The following FAM53B variants were observed in gnomAD, a reference collection of about 807,000 sequenced individuals.
FAM53B encodes protein FAM53B.
A neutral mutation model predicts 32.7 loss-of-function variants in FAM53B; 12 were observed. That is an observed-to-expected ratio of 0.37 (90% CI 0.24 to 0.59). FAM53B has a LOEUF of 0.59. FAM53B is among the 20% of genes least tolerant of loss of function. The pLI is 0.72. For missense variants in FAM53B, 477 were observed against 577.7 expected (o/e 0.83, Z 1.79); for synonymous variants, 234 against 228.7 (o/e 1.02, Z -0.21).
chr10:124,715,735 G>T (rs928897142), intron 1 of FAM53B, among the ~76,000 whole-genome samples: 12 of 152,244 alleles, frequency 7.9e-5, no homozygotes, highest in African/African-American at 2.9e-4. Context: ...AGGAGCTGCA[G>T]GGCCCTGGCT....
chr10:124,655,500 G>A (rs573425826), intron 4 of FAM53B, among the ~76,000 whole-genome samples: 43 of 151,918 alleles, frequency 2.8e-4, no homozygotes, highest in Non-Finnish European at 5.1e-4. Flanking sequence ...ACGGGATGCC[G>A]AGGAATGAGG....
rs753137379 is a variant in FAM53B at position 124,623,491 on chromosome 10, G to C, written c.1020C>G (p.Leu340=). 6 of 1,588,556 alleles carry C rather than the reference G, an allele frequency of 3.8e-6. No individual in the cohort carries two copies. Among genetic ancestry groups the C allele is most frequent in the South Asian group, 2.3e-5 (2 of 88,674 alleles). The change falls in exon 5 of 5, where the codon CTC becomes CTG. Residue 340 remains leucine, a synonymous_variant. Coordinates refer to ENST00000337318, the MANE Select transcript of FAM53B (RefSeq NM_014661.4). ...VSNTRAWTAL[L]SASGPGGRTP... ...TCCTGCCCCCTGGGCCGGAGGCTGA[G>C]AGCAGGGCGGTCCAGGCCCTGGTGT...
At chr10:124,681,384 C>G (rs949408557) in intron 4 of FAM53B, among the ~76,000 whole-genome samples, 1 of 152,172 alleles carries the variant, frequency 6.6e-6, no homozygotes, top group South Asian at 2.1e-4. Flanking sequence ...ACCCCTAGCA[C>G]TGAGCTCACA....
chr10:124,715,354 T>C (rs2134092627), intron 1 of FAM53B, among the ~76,000 whole-genome samples: 1 of 152,198 alleles, frequency 6.6e-6, no homozygotes, highest in African/African-American at 2.4e-5. Flanking sequence ...GCAGACATGG[T>C]GGGTAACCTG....
chr10:124,724,466 T>C (rs1440763838), intron 1 of FAM53B, among the ~76,000 whole-genome samples: 1 of 152,080 alleles, frequency 6.6e-6, no homozygotes, highest in South Asian at 2.1e-4. Flanking sequence ...CTGCCTCCCA[T>C]CACTCTGCTT....
At chr10:124,711,393 G>C (rs1297857378) in intron 1 of FAM53B, among the ~76,000 whole-genome samples, 2 of 152,116 alleles carry the variant, frequency 1.3e-5, no homozygotes, top group African/African-American at 4.8e-5. Flanking sequence ...CATGTTCTGT[G>C]TCTTGACTGT....
At chr10:124,703,967 G>A (rs1394312311) in intron 2 of FAM53B, 1 of 152,472 alleles carries the variant, frequency 6.6e-6, no homozygotes, top group Admixed American at 6.5e-5. Flanking sequence ...ACACCTCTTG[G>A]AAGAGCAGCT....
At chr10:124,668,624 C>A (rs1949688245) in intron 4 of FAM53B, among the ~76,000 whole-genome samples, 1 of 152,264 alleles carries the variant, frequency 6.6e-6, no homozygotes, top group Non-Finnish European at 1.5e-5. Flanking sequence ...AAGACCCAGG[C>A]AACCCACAAG....
intron 3 of FAM53B, among the ~76,000 whole-genome samples, chr10:124,689,263 C>T (rs1231789789): frequency 6.6e-6 from 1 of 152,080 alleles, no homozygotes; most frequent in Non-Finnish European, 1.5e-5. Context: ...ACGAAAAGAA[C>T]ATGGGGGTGG....
At chr10:124,654,143 T>C (rs1043075332) in intron 4 of FAM53B, among the ~76,000 whole-genome samples, 3 of 152,254 alleles carry the variant, frequency 2.0e-5, no homozygotes, top group Non-Finnish European at 2.9e-5. Flanking sequence ...AAGAGGCTCC[T>C]ATCCTTGCCA....
At chr10:124,680,265 C>A (rs1329780061) in intron 4 of FAM53B, among the ~76,000 whole-genome samples, 2 of 152,182 alleles carry the variant, frequency 1.3e-5, no homozygotes, top group African/African-American at 2.4e-5. Context: ...CTCCCCCAAG[C>A]GGATCCCACT....
intron 1 of FAM53B, among the ~76,000 whole-genome samples, chr10:124,709,257 A>C (rs1949983469): frequency 6.6e-6 from 1 of 152,222 alleles, no homozygotes. Context: ...AGTAGAATGA[A>C]ACTGTGGAAG....
At chr10:124,704,638 C>T (rs939994729) in intron 2 of FAM53B, among the ~76,000 whole-genome samples, 7 of 152,050 alleles carry the variant, frequency 4.6e-5, no homozygotes, top group South Asian at 4.2e-4. Context: ...CAGTGGGGAC[C>T]GAGCAGAGGG....
At chr10:124,667,250 C>T (rs1949678242) in intron 4 of FAM53B, 1 of 567,032 alleles carries the variant, frequency 1.8e-6, no homozygotes. Context: ...TTTGGAAATA[C>T]TGGGTTAAAT....
intron 3 of FAM53B, among the ~76,000 whole-genome samples, chr10:124,694,121 C>T (rs11245332): frequency 0.14 from 21,065 of 152,216 alleles, 1,699 homozygotes; most frequent in African/African-American, 0.2. Flanking sequence ...AACGGCTCCC[C>T]GCTTCTCCCT....
intron 2 of FAM53B, among the ~76,000 whole-genome samples, chr10:124,696,503 G>A (rs144371489): frequency 1.8e-4 from 27 of 152,320 alleles, no homozygotes; most frequent in African/African-American, 6.0e-4. Context: ...CATAAGTGAT[G>A]TGGAGGCGGC....
chr10:124,657,084 G>GTGTGTGTATATA (rs1949595161), intron 4 of FAM53B, among the ~76,000 whole-genome samples: 1 of 134,324 alleles, frequency 7.4e-6, no homozygotes, highest in Non-Finnish European at 1.6e-5. Flanking sequence ...ATATATATGT[G>GTGTGTGTATATA]TGTGTATATA....
At chr10:124,624,846 T>G (rs1589728295) in intron 4 of FAM53B, among the ~76,000 whole-genome samples, 1 of 151,008 alleles carries the variant, frequency 6.6e-6, no homozygotes, top group African/African-American at 2.4e-5. Flanking sequence ...GCTGAGACAG[T>G]GAGGGGCACT....
intron 4 of FAM53B, among the ~76,000 whole-genome samples, chr10:124,643,925 C>G (rs1949493937): frequency 6.6e-6 from 1 of 152,242 alleles, no homozygotes; most frequent in Non-Finnish European, 1.5e-5. Context: ...TACATGGCAT[C>G]TGCCCCCAGA....
Sources: gnomAD v4.1 joint callset for allele counts (sites outside exome capture counted in the v4.1 genomes callset) on GRCh38, gnomAD v4.1.1 for gene constraint, MANE v1.5 for transcripts, NCBI Gene and HGNC (gene_info 2026-07-23, HGNC 2026-07-21) for gene names.